HNF4A: variants seen among roughly 807,000 people sequenced by gnomAD.
HNF4A encodes the protein hepatocyte nuclear factor 4 alpha.
A neutral mutation model predicts 52.4 loss-of-function variants in HNF4A; 15 were observed. That is an observed-to-expected ratio of 0.29 (90% confidence interval 0.19 to 0.44). HNF4A has a LOEUF of 0.44. Ranked by LOEUF, HNF4A falls within the 20% of genes least tolerant of loss-of-function variation. HNF4A has a pLI of 1.00. For synonymous variants in HNF4A, 280 were observed against 264.4 expected, an observed-to-expected ratio of 1.06 and a Z score of -0.57; for missense variants, 479 against 647.2, an observed-to-expected ratio of 0.74 and a Z score of 2.82.
intron 8 of HNF4A, among the ~76,000 whole-genome samples, chr20:44,427,864 A>C (rs1000757964): frequency 1.1e-4 from 17 of 152,208 alleles, no homozygotes; most frequent in Admixed American, 3.3e-4. Flanking sequence ...CAACAACGTG[A>C]GCAGAAGCAT....
chr20:44,418,448 T>A lies in HNF4A; in HGVS notation c.672T>A (p.Ala224=). 1 of 1,614,006 alleles carries A rather than the reference T, an allele frequency of 6.2e-7. No homozygotes were observed. The highest frequency in any genetic ancestry group is 1.1e-5 in the South Asian group (1 of 91,082). Reference sequence around the variant, plus strand: ...AGGTGGCCCTGCTCAGAGCCCATGCTGGCGAGCACCTGCTGCTCGGAGCCA... The same window carrying A: ...AGGTGGCCCTGCTCAGAGCCCATGCAGGCGAGCACCTGCTGCTCGGAGCCA... Residue 224 remains alanine (A), a synonymous_variant, in exon 6 of 10, where the codon GCT becomes GCA. Coordinates refer to ENST00000316099, the MANE Select transcript of HNF4A (RefSeq NM_000457.6).
chr20:44,409,618 G>A (rs2063552459), intron 3 of HNF4A, among the ~76,000 whole-genome samples: 1 of 152,112 alleles, frequency 6.6e-6, no homozygotes, highest in Non-Finnish European at 1.5e-5. Context: ...CCTGCGTGTG[G>A]TCAGTTGTTA....
intron 1 of HNF4A, among the ~76,000 whole-genome samples, chr20:44,378,449 G>C (rs1398330977): frequency 6.6e-6 from 1 of 151,866 alleles, no homozygotes; most frequent in African/African-American, 2.4e-5. Context: ...TGTATTTTTA[G>C]TAGAGACAGG....
Position 44,406,250 on chromosome 20 carries a change from C to A in HNF4A, c.290+18C>A. 6.2e-7 allele frequency: 1 copy of A among 1,610,430 alleles called. No individual in the cohort carries two copies. Among genetic ancestry groups the A allele is most frequent in the Non-Finnish European group, 8.5e-7 (1 of 1,178,472 alleles). ...TCCTGCAGGTGAGGAGCCTCAATTT[C>A]TTCAGCTGGGAAATGGGCACACTTG... On this transcript the variant is annotated intron_variant, in intron 2 of 9. Coordinates refer to ENST00000316099, the MANE Select transcript of HNF4A (RefSeq NM_000457.6).
chr20:44,423,959 T>G, intron 7 of HNF4A, 59 bp from the exon 8 acceptor site: 2 of 1,538,704 alleles, frequency 1.3e-6, no homozygotes, highest in East Asian at 4.6e-5. Flanking sequence ...GGGTCTTGAC[T>G]CCCCAGATGC....
rs200059240 is a variant in HNF4A, at chr20:44,392,519, T to TA, written c.50-13533dup. Reference sequence around the variant, plus strand: ...TGTCTTTAATTTTAAAAAATCTTTTTAAAAAATAGACATAGGGTCTCACTA... The same window carrying TA: ...TGTCTTTAATTTTAAAAAATCTTTTTAAAAAAATAGACATAGGGTCTCACTA... On this transcript the variant is annotated intron_variant, in intron 1 of 9. Coordinates refer to the HNF4A transcript ENST00000316673. Among the ~76,000 whole-genome samples the TA allele has an allele frequency of 7.5e-3, 1,147 of 152,256 alleles. 20 individuals carry two copies. Among genetic ancestry groups the TA allele is most frequent in the African/African-American group, 0.027 (1,105 of 41,518 alleles).
At chr20:44,397,379 T>C (rs2063362477), upstream of HNF4A, among the ~76,000 whole-genome samples, 1 of 152,210 alleles carries the variant, frequency 6.6e-6, no homozygotes, top group African/African-American at 2.4e-5. Context: ...ATTGTACATA[T>C]ATATGGAGCA....
chr20:44,394,735 G>A (rs1323799933), intron 1 of HNF4A, among the ~76,000 whole-genome samples: 3 of 152,246 alleles, frequency 2.0e-5, no homozygotes, highest in African/African-American at 4.8e-5. Flanking sequence ...TGGGCTATGC[G>A]TTGGGAGGCC....
chr20:44,423,942 G>A (rs548659383), intron 7 of HNF4A, 76 bp from the exon 8 acceptor site: 2 of 1,391,156 alleles, frequency 1.4e-6, no homozygotes, highest in Non-Finnish European at 2.0e-6. Context: ...CAAGTCAGGG[G>A]ACATCTGGGT....
intron 5 of HNF4A, among the ~76,000 whole-genome samples, chr20:44,414,880 A>T (rs1250951544): frequency 6.6e-6 from 1 of 152,248 alleles, no homozygotes; most frequent in African/African-American, 2.4e-5. Flanking sequence ...AGGTACTATT[A>T]TTACTGCCAT....
chr20:44,428,263 G>A (rs1456560454), intron 8 of HNF4A, 72 bp from the exon 9 acceptor site: 22 of 1,532,812 alleles, frequency 1.4e-5, no homozygotes, highest in African/African-American at 2.7e-5. Flanking sequence ...CCACGCCTGA[G>A]GAAGATGGCG....
At chr20:44,382,044 T>A (rs1199911318) in intron 1 of HNF4A, among the ~76,000 whole-genome samples, 1 of 152,234 alleles carries the variant, frequency 6.6e-6, no homozygotes, top group Non-Finnish European at 1.5e-5. Context: ...ATTTTATAGA[T>A]GAAGCAAATA....
At chr20:44,370,068 C>G (rs2063016286) in intron 1 of HNF4A, among the ~76,000 whole-genome samples, 1 of 152,128 alleles carries the variant, frequency 6.6e-6, no homozygotes, top group Non-Finnish European at 1.5e-5. Context: ...ACTCTTTCAC[C>G]CAGGCTGGAG....
chr20:44,384,316 A>G (rs2063193252), intron 1 of HNF4A, among the ~76,000 whole-genome samples: 2 of 152,024 alleles, frequency 1.3e-5, no homozygotes, highest in African/African-American at 4.8e-5. Context: ...TTTGGTAGTA[A>G]TAATATTTCT....
chr20:44,413,825 C>T (rs2146413088), intron 4 of HNF4A, 25 bp downstream of exon 4: 5 of 1,466,518 alleles, frequency 3.4e-6, no homozygotes, highest in African/African-American at 1.4e-5. Context: ...CTGCCACCCA[C>T]CCAGGGATCC....
At chr20:44,414,734 G>A in intron 5 of HNF4A, 72 bp downstream of exon 5, 1 of 1,432,100 alleles carries the variant, frequency 7.0e-7, no homozygotes, top group Non-Finnish European at 9.7e-7. Flanking sequence ...TGGCCCACCT[G>A]GGATATAGCC....
At chr20:44,424,726 A>G in intron 8 of HNF4A, 1 of 580,276 alleles carries the variant, frequency 1.7e-6, no homozygotes, top group African/African-American at 1.9e-5. Flanking sequence ...CTAAGACCCT[A>G]ACGGCTGAAA....
intron 1 of HNF4A, among the ~76,000 whole-genome samples, chr20:44,371,780 G>A (rs1035497939): frequency 5.3e-5 from 8 of 151,996 alleles, no homozygotes; most frequent in Non-Finnish European, 7.4e-5. Context: ...AGCCAAGATC[G>A]CCACTGCACT....
intron 1 of HNF4A, among the ~76,000 whole-genome samples, chr20:44,368,596 G>T (rs917250984): frequency 2.6e-5 from 4 of 152,120 alleles, no homozygotes; most frequent in South Asian, 2.1e-4. Context: ...CCTCAGGGTA[G>T]CTCTGCTGCT....
Sources: gnomAD v4.1 joint callset for allele counts (sites outside exome capture counted in the v4.1 genomes callset) on GRCh38, gnomAD v4.1.1 for gene constraint, MANE v1.5 for transcripts, NCBI Gene and HGNC (gene_info 2026-07-23, HGNC 2026-07-21) for gene names.